The following MACROD2 variants were observed in gnomAD, a reference collection of about 807,000 sequenced individuals.
MACROD2 encodes the protein ADP-ribose glycohydrolase MACROD2.
In MACROD2, 36 loss-of-function variants were observed where a neutral mutation model predicts 70.4. That is an observed-to-expected ratio of 0.51 (90% CI 0.39 to 0.68). The LOEUF is 0.68. Among genes scored for constraint, MACROD2 ranks in the 30% least tolerant of loss-of-function variants. MACROD2 has a pLI of 0.00. For synonymous variants in MACROD2, 172 were observed against 178.8 expected (o/e 0.96, Z 0.30); for missense variants, 496 against 538.4 (o/e 0.92, Z 0.78).
intron 6 of MACROD2, among the ~76,000 whole-genome samples, chr20:15,387,268 A>G (rs2045726676): frequency 1.3e-5 from 2 of 152,048 alleles, no homozygotes; most frequent in Admixed American, 6.5e-5. Context: ...ATTTTCTGCT[A>G]TTTCTGAAAA....
At chr20:15,816,965 C>T (rs2063883031) in intron 8 of MACROD2, among the ~76,000 whole-genome samples, 1 of 152,164 alleles carries the variant, frequency 6.6e-6, no homozygotes, top group African/African-American at 2.4e-5. Context: ...AATTCAATAC[C>T]TACTTGTCCA....
intron 6 of MACROD2, among the ~76,000 whole-genome samples, chr20:15,291,249 G>A (rs1322344450): frequency 6.6e-6 from 1 of 152,174 alleles, no homozygotes; most frequent in Admixed American, 6.5e-5. Flanking sequence ...ACCCATCTAT[G>A]CCATCACTGG....
At chr20:14,270,100 GA>G (rs1163784323) in intron 3 of MACROD2, among the ~76,000 whole-genome samples, 1 of 152,100 alleles carries the variant, frequency 6.6e-6, no homozygotes, top group Non-Finnish European at 1.5e-5. Context: ...TTTTTTTAGA[GA>G]GGGGCATGGA....
intron 6 of MACROD2, among the ~76,000 whole-genome samples, chr20:15,326,127 G>T (rs1436319937): frequency 6.6e-6 from 1 of 152,094 alleles, no homozygotes; most frequent in African/African-American, 2.4e-5. Context: ...AATACATTTA[G>T]ATTTGTTTTC....
Position 14,958,800 on chromosome 20 carries a change from A to T in MACROD2, c.419-271140A>T, listed in dbSNP as rs138777238. Among the ~76,000 whole-genome samples, 144 of 152,268 alleles carry T rather than the reference A, an allele frequency of 9.5e-4. 1 individual carries two copies. The highest frequency in any genetic ancestry group is 3.2e-3 in the African/African-American group (132 of 41,548). ...TCAGAGTCACCTATAGGGCTTGTTA[A>T]AACACAGATAACTGGGCCCCACCCT... On this transcript the variant is annotated intron_variant, in intron 5 of 17. Coordinates refer to ENST00000684519, the MANE Select transcript of MACROD2 (RefSeq NM_001351661.2).
chr20:14,014,328 G>T (rs947910666), intron 2 of MACROD2, among the ~76,000 whole-genome samples: 14 of 147,212 alleles, frequency 9.5e-5, no homozygotes, highest in Non-Finnish European at 1.5e-4. Flanking sequence ...CAGAGAAATT[G>T]TATTTCATAA....
chr20:14,137,633 A>G (rs1459205272), intron 3 of MACROD2, among the ~76,000 whole-genome samples: 1 of 152,220 alleles, frequency 6.6e-6, no homozygotes, highest in Non-Finnish European at 1.5e-5. Context: ...CAATCAACTC[A>G]AAATGGATTA....
At position 13,995,850 on chromosome 20, in the gene MACROD2, G is replaced by GGGGGGGGGGGGGGGGGGGGGGGT; in HGVS notation, c.46+41_46+42insGGGGGGGGGGGGGGGGGGGGGGT. On this transcript the variant is annotated intron_variant, in intron 1 of 17. Coordinates refer to ENST00000684519, the MANE Select transcript of MACROD2 (RefSeq NM_001351661.2). This position sits in a 1 kb window ranked among gnomAD's most constrained non-coding sequence, Gnocchi z 4.3. ...AGTCCTGGGGGTGCGGGCGGTGGGG[G>GGGGGGGGGGGGGGGGGGGGGGGT]TTAGGGTGGGGGCGGGGGTCAGGCT... 5.9e-6 allele frequency: 3 copies of GGGGGGGGGGGGGGGGGGGGGGGT among 505,094 alleles called. No homozygotes were observed. The highest frequency in any genetic ancestry group is 2.5e-5 in the Admixed American group (1 of 39,782). 31.3% of individuals were successfully genotyped at this position (505,094 alleles called of 1,614,324 possible).
intron 3 of MACROD2, among the ~76,000 whole-genome samples, chr20:14,456,164 T>G (rs2084299719): frequency 4.6e-5 from 7 of 151,906 alleles, no homozygotes; most frequent in Admixed American, 3.9e-4. Flanking sequence ...ATAATTTAGC[T>G]TTAAAAACAG....
At chr20:14,600,343 T>TATATATATATATATATATATAC (rs1320891260) in intron 4 of MACROD2, among the ~76,000 whole-genome samples, 101 of 130,174 alleles carry the variant, frequency 7.8e-4, no homozygotes, top group African/African-American at 3.0e-3. Context: ...TATATATATA[T>TATATATATATATATATATATAC]ACACACACAC....
At chr20:15,553,789 T>A (rs1175783530) in intron 8 of MACROD2, among the ~76,000 whole-genome samples, 1 of 152,214 alleles carries the variant, frequency 6.6e-6, no homozygotes, top group Non-Finnish European at 1.5e-5. Flanking sequence ...AATGAGTTTA[T>A]ATTCAAAGAA....
At chr20:14,833,045 G>A (rs2072989772) in intron 5 of MACROD2, among the ~76,000 whole-genome samples, 1 of 152,186 alleles carries the variant, frequency 6.6e-6, no homozygotes, top group South Asian at 2.1e-4. Context: ...ATAGCCACAT[G>A]TAGCTGTTTA....
At chr20:15,242,671 G>T (rs1178830678) in intron 6 of MACROD2, among the ~76,000 whole-genome samples, 1 of 151,970 alleles carries the variant, frequency 6.6e-6, no homozygotes, top group Non-Finnish European at 1.5e-5. Context: ...CATATTTGTG[G>T]TATCTAATAA....
chr20:15,576,187 T>G (rs1032142937), intron 8 of MACROD2, among the ~76,000 whole-genome samples: 4 of 152,102 alleles, frequency 2.6e-5, no homozygotes, highest in Non-Finnish European at 4.4e-5. Flanking sequence ...TTTTGACACA[T>G]GTAAATTAAT....
chr20:14,406,837 A>G (rs910572225), intron 3 of MACROD2, among the ~76,000 whole-genome samples: 7 of 152,204 alleles, frequency 4.6e-5, no homozygotes, highest in African/African-American at 1.7e-4. Context: ...TTTCAGAAGC[A>G]AAGAGAGAGT....
chr20:15,174,852 G>C lies in MACROD2; in HGVS notation c.419-55088G>C, dbSNP rs1301053666. Among the ~76,000 whole-genome samples, 6 of 152,138 alleles carry C rather than the reference G, an allele frequency of 3.9e-5. No individual in the cohort carries two copies. In the East Asian group the frequency reaches 9.7e-4, roughly 25 times the overall value. ...GCTTTGCCCACTTTTTGATGGGGTTGTTTGTTTTTTTCTTGTAAATTTGTT... is the reference window on the plus strand; with the variant it reads ...GCTTTGCCCACTTTTTGATGGGGTTCTTTGTTTTTTTCTTGTAAATTTGTT... On this transcript the variant is annotated intron_variant, in intron 5 of 17. Transcript: ENST00000684519.
chr20:14,474,698 A>G (rs773930488), intron 3 of MACROD2, among the ~76,000 whole-genome samples: 2 of 152,062 alleles, frequency 1.3e-5, no homozygotes, highest in Non-Finnish European at 2.9e-5. Flanking sequence ...CTCTTCCTAT[A>G]TAGACCCCTT....
intron 4 of MACROD2, among the ~76,000 whole-genome samples, chr20:14,508,893 T>G (rs1293786141): frequency 2.6e-5 from 4 of 152,142 alleles, no homozygotes; most frequent in Non-Finnish European, 4.4e-5. Context: ...CATCTACCAA[T>G]CCATCCTTTT....
At chr20:15,387,556 C>A (rs1394892505) in intron 6 of MACROD2, among the ~76,000 whole-genome samples, 4 of 150,920 alleles carry the variant, frequency 2.7e-5, no homozygotes, top group Non-Finnish European at 5.9e-5. Context: ...TCAATTACAT[C>A]TTTCTTCTCT....
Sources: allele counts gnomAD v4.1 joint callset (sites outside exome capture counted in the v4.1 genomes callset), GRCh38; gene constraint gnomAD v4.1.1; non-coding constraint Gnocchi (gnomAD v3.1); transcripts MANE v1.5; gene names NCBI Gene and HGNC (gene_info 2026-07-23, HGNC 2026-07-21).